SZT2: variants seen among roughly 807,000 people sequenced by gnomAD.
SZT2 encodes the protein SZT2 subunit of KICSTOR complex.
SZT2 carries 216 observed loss-of-function variants against 404.2 expected under a neutral mutation model. The ratio of observed to expected loss-of-function variants is 0.53; its 90% CI spans 0.48 to 0.60. The LOEUF (loss-of-function observed/expected upper bound fraction) is 0.60, where lower values mean the gene tolerates loss of function less well. Among genes scored for constraint, SZT2 ranks in the 20% least tolerant of loss-of-function variants. SZT2 has a pLI of 0.00. For missense variants in SZT2, 3,857 were observed against 4,459.2 expected (o/e 0.86, Z 3.85); for synonymous variants, 1,693 against 1,749.9 (o/e 0.97, Z 0.81).
chr1:43,426,944 G>A lies in SZT2; in HGVS notation c.3310-112G>A. 2 of 1,570,312 alleles carry A rather than the reference G, an allele frequency of 1.3e-6. No individual in the cohort carries two copies. Among genetic ancestry groups the A allele is most frequent in the South Asian group, 1.2e-5 (1 of 85,916 alleles). On this transcript the variant is annotated intron_variant, in intron 23 of 71. Coordinates refer to ENST00000634258, the MANE Select transcript of SZT2 (RefSeq NM_001365999.1). The surrounding 1 kb of genome is among the most constrained non-coding windows in gnomAD (Gnocchi z 4.9). The stretch of plus-strand genomic sequence containing the variant: ...TGACACAATGCCGTCATTTTCCATT[G>A]TCCTGGATCTTTCAAGCTATACCTA...
chr1:43,448,264 C>G lies in SZT2; in HGVS notation c.9749C>G (p.Pro3250Arg), dbSNP rs759710717. Residue 3250 changes from proline to arginine, a missense_variant, in exon 69 of 72, where the codon CCA becomes CGA. Pro to Arg is a moderately radical substitution (Grantham distance 103). Around this residue, in one of 7 missense-constraint regions of SZT2, gnomAD observed 717 missense variants for 868.2 expected, o/e 0.83. Transcript: ENST00000634258. The surrounding 1 kb of genome is among the most constrained non-coding windows in gnomAD (Gnocchi z 4.2). Reference protein sequence around the residue: ...LAPGPAPLFPPLAAEVGMARA... With the variant: ...LAPGPAPLFPRLAAEVGMARA... The stretch of plus-strand genomic sequence containing the variant: ...CCTGGACCGGCTCCTCTGTTCCCAC[C>G]ACTGGCTGCAGAGGTGGGCATGGCA... 1.4e-5 allele frequency: 22 copies of G among 1,573,914 alleles called. No individual in the cohort carries two copies. Among genetic ancestry groups the G allele is most frequent in the Non-Finnish European group, 1.6e-5 (19 of 1,160,160 alleles).
intron 11 of SZT2, among the ~76,000 whole-genome samples, chr1:43,421,575 C>G (rs1026521800): frequency 1.3e-5 from 2 of 152,210 alleles, no homozygotes; most frequent in Non-Finnish European, 2.9e-5. Context: ...CCCAGCAGAC[C>G]GTGAGCCCTT....
intron 27 of SZT2, 33 bp downstream of exon 27, chr1:43,428,151 G>A (rs1349300180): frequency 6.2e-7 from 1 of 1,611,554 alleles, no homozygotes; most frequent in South Asian, 1.1e-5. Flanking sequence ...GGAGGAGTGG[G>A]GCCCTGCGGG....
Position 43,427,631 on chromosome 1 carries a change from C to T in SZT2, c.3700C>T (p.Arg1234Trp), listed in dbSNP as rs776754646. 9.9e-6 allele frequency: 16 copies of T among 1,614,074 alleles called. No individual in the cohort carries two copies. Among genetic ancestry groups the T allele is most frequent in the Middle Eastern group, 1.6e-4 (1 of 6,082 alleles). ...CCAGACAGAGAGTGCGGATGGGCCC[C>T]GGACCCGGTGTCCTGTCTACATCTA... ...ASQTESADGPRTRCPVYIYSC... is the reference protein window; with the variant it reads ...ASQTESADGPWTRCPVYIYSC... Residue 1234 changes from arginine to tryptophan, a missense_variant, in exon 26 of 72, where the codon CGG becomes TGG. Coordinates refer to ENST00000634258, the MANE Select transcript of SZT2 (RefSeq NM_001365999.1).
In SZT2 at chr1:43,391,035, A is replaced by G. The variant is rs184830210; in HGVS notation, c.27+1040A>G. ...CAGAGATATTAAGAGTAACAAAGTA[A>G]GCCGGGCGCAGTGGCTTACACCTGT... is the stretch of plus-strand genomic sequence containing the variant. On this transcript the variant is annotated intron_variant, in intron 1 of 71. Transcript: ENST00000634258. Among the ~76,000 whole-genome samples, 5 of 152,276 alleles carry G rather than the reference A, an allele frequency of 3.3e-5. No individual in the cohort carries two copies. In the East Asian group the frequency reaches 9.6e-4, roughly 29 times the overall value.
In SZT2 at chr1:43,442,401, G is replaced by C; in HGVS notation, c.7974+33G>C. On this transcript the variant is annotated intron_variant, in intron 57 of 71. Transcript: ENST00000634258. This position sits in a 1 kb window ranked among gnomAD's most constrained non-coding sequence, Gnocchi z 4.5. The stretch of plus-strand genomic sequence containing the variant: ...TGGGGCCAGGGACTGGGTGGGAAGA[G>C]GGGTTCCGTGATCTCACTGACCCTG... The C allele has an allele frequency of 6.2e-7, 1 of 1,612,722 alleles. No homozygotes were observed. The highest frequency in any genetic ancestry group is 8.5e-7 in the Non-Finnish European group (1 of 1,179,188).
chr1:43,435,242 T>A lies in SZT2; in HGVS notation c.5947T>A (p.Ser1983Thr), dbSNP rs1654336401. 4 of 1,614,068 alleles carry A rather than the reference T, an allele frequency of 2.5e-6. No individual in the cohort carries two copies. The highest frequency in any genetic ancestry group is 2.5e-6 in the Non-Finnish European group (3 of 1,180,040). The change falls in exon 42 of 72, where the codon TCT becomes ACT. Residue 1983 changes from serine (S) to threonine (T), a missense_variant. Ser to Thr is a moderately conservative substitution (Grantham distance 58, BLOSUM62 1). Around this residue, in one of 7 missense-constraint regions of SZT2, gnomAD observed 1,725 missense variants for 1,881.0 expected, o/e 0.92. Transcript: ENST00000634258. The stretch of plus-strand genomic sequence containing the variant: ...CCTTCATGACAGCCACGTGTGTAAC[T>A]CTCTTCTGGTGGCCGAGAGTGAAGA... Reference protein sequence around the residue: ...QDLHDSHVCNSLLVAESEEDL... With the variant: ...QDLHDSHVCNTLLVAESEEDL...
chr1:43,400,609 C>G (rs928299351), intron 1 of SZT2, among the ~76,000 whole-genome samples: 1 of 152,224 alleles, frequency 6.6e-6, no homozygotes, highest in Non-Finnish European at 1.5e-5. Flanking sequence ...TGGTGGCTCA[C>G]GCCTGTAATC....
intron 60 of SZT2, 27 bp from the exon 61 acceptor site, chr1:43,443,325 T>A (rs762973624): frequency 6.2e-7 from 1 of 1,614,130 alleles, no homozygotes; most frequent in South Asian, 1.1e-5. Flanking sequence ...CCGTCACTGC[T>A]CCATGCTCAC....
Position 43,425,661 on chromosome 1 carries a change from GTACC to G in SZT2, c.2814+20_2814+23del. 1 of 1,612,428 alleles carries G rather than the reference GTACC, an allele frequency of 6.2e-7. No homozygotes were observed. The highest frequency in any genetic ancestry group is 1.1e-5 in the South Asian group (1 of 91,044). On this transcript the variant is annotated intron_variant, in intron 19 of 71. Coordinates refer to ENST00000634258, the MANE Select transcript of SZT2 (RefSeq NM_001365999.1). This position sits in a 1 kb window ranked among gnomAD's most constrained non-coding sequence, Gnocchi z 4.3. ...GCAAGCTGTGAGTGTCCTCAGAACA[GTACC>G]CGCACCTCTCTCACTGGATTGGGGT...
At position 43,441,343 on chromosome 1, in the gene SZT2, CG is replaced by C; in HGVS notation, c.7477del (p.Ala2493ArgfsTer18). 6 of 1,614,118 alleles carry C rather than the reference CG, an allele frequency of 3.7e-6. No homozygotes were observed. The highest frequency in any genetic ancestry group is 4.2e-6 in the Non-Finnish European group (5 of 1,180,012). On this transcript the variant is annotated frameshift_variant, in exon 53 of 72. Coordinates refer to ENST00000634258, the MANE Select transcript of SZT2 (RefSeq NM_001365999.1). LOFTEE classifies it high-confidence loss of function. This position sits in a 1 kb window ranked among gnomAD's most constrained non-coding sequence, Gnocchi z 4.8. ...TGTTCGGACTCCTGGTGGAGCTGAG[CG>C]GGCGCCAGGCTCAGATTCTGGAGCC... is the stretch of plus-strand genomic sequence containing the variant. ...ESVRTPGGAE[R>X]APGSDSGAQR...
chr1:43,439,645 G>A lies in SZT2; in HGVS notation c.6918G>A (p.Gly2306=), dbSNP rs1248952930. The A allele has an allele frequency of 1.9e-6, 3 of 1,613,842 alleles. No homozygotes were observed. The highest frequency in any genetic ancestry group is 2.5e-6 in the Non-Finnish European group (3 of 1,179,826). Residue 2306 remains glycine, a synonymous_variant, in exon 50 of 72, where the codon GGG becomes GGA. Coordinates refer to ENST00000634258, the MANE Select transcript of SZT2 (RefSeq NM_001365999.1). This position sits in a 1 kb window ranked among gnomAD's most constrained non-coding sequence, Gnocchi z 4.2. ...CTCTAGCCTTTGTGGATGAAGGAGGGGCCCCCTTGTCACTGGCGTTGTGGC... is the reference window on the plus strand; with the variant it reads ...CTCTAGCCTTTGTGGATGAAGGAGGAGCCCCCTTGTCACTGGCGTTGTGGC... ...CITLAFVDEG[G]APLSLALWPP... is the part of the protein sequence containing the mutation.
At chr1:43,419,145 G>A (rs1420456568) in intron 7 of SZT2, among the ~76,000 whole-genome samples, 6 of 152,224 alleles carry the variant, frequency 3.9e-5, no homozygotes, top group African/African-American at 1.2e-4. Context: ...CTGTTGAAGC[G>A]TGAAAGCAGC....
rs1655351098 is a variant in SZT2, at chr1:43,443,761, G to A, written c.8790G>A (p.Val2930=). 6.2e-7 allele frequency: 1 copy of A among 1,614,050 alleles called. No homozygotes were observed. The highest frequency in any genetic ancestry group is 8.5e-7 in the Non-Finnish European group (1 of 1,180,026). Residue 2930 remains valine, a synonymous_variant, in exon 62 of 72, where the codon GTG becomes GTA. Coordinates refer to ENST00000634258, the MANE Select transcript of SZT2 (RefSeq NM_001365999.1). ...YVQYLQSIGF[V]LVPLRPPSPA... Reference sequence around the variant, plus strand: ...AGTATCTGCAGAGCATAGGTTTTGTGCTGGTACCACTGCGGCCCCCCTCAC... The same window carrying A: ...AGTATCTGCAGAGCATAGGTTTTGTACTGGTACCACTGCGGCCCCCCTCAC...
At position 43,430,653 on chromosome 1, in the gene SZT2, C is replaced by A; in HGVS notation, c.4638C>A (p.Ile1546=). The change falls in exon 32 of 72, where the codon ATC becomes ATA. Residue 1546 remains isoleucine (I), a synonymous_variant. Transcript: ENST00000634258. ...TVNPDEDSFS[I]LGGDSPTGPE... is the part of the protein sequence containing the mutation. ...ATCCTGATGAAGACTCCTTCAGTATCTTGGGGGGCGACTCACCCACTGGGC... is the reference window on the plus strand; with the variant it reads ...ATCCTGATGAAGACTCCTTCAGTATATTGGGGGGCGACTCACCCACTGGGC... The A allele has an allele frequency of 3.1e-6, 5 of 1,614,194 alleles. No individual in the cohort carries two copies. Among genetic ancestry groups the A allele is most frequent in the Non-Finnish European group, 4.2e-6 (5 of 1,180,036 alleles).
chr1:43,453,177 C>T lies in SZT2; in HGVS notation c.*2697C>T. ...AGACTGAGCTCCCAGCATGGGATCC[C>T]AGCATGGGGTGAGCATGAAAGAGTG... On this transcript the variant is annotated 3_prime_UTR_variant, in exon 72 of 72. Transcript: ENST00000634258. 1.5e-6 allele frequency: 1 copy of T among 649,580 alleles called. No individual in the cohort carries two copies. Among genetic ancestry groups the T allele is most frequent in the Admixed American group, 2.4e-5 (1 of 41,350 alleles). 40.2% of individuals were successfully genotyped at this position (649,580 alleles called of 1,614,324 possible). A position where few individuals can be genotyped will look rare whatever the true frequency, so the allele number is the denominator to read the frequency against.
intron 28 of SZT2, chr1:43,429,047 C>A (rs1036714025): frequency 1.3e-5 from 2 of 157,274 alleles, no homozygotes; most frequent in African/African-American, 4.8e-5. Context: ...CGGTCCGGTT[C>A]TTTCTCTGGA....
intron 4 of SZT2, chr1:43,405,321 T>A (rs977807875): frequency 3.3e-5 from 5 of 152,222 alleles, no homozygotes; most frequent in Non-Finnish European, 7.3e-5. Context: ...GTGGGTCATT[T>A]TTTTTTTGAG....
chr1:43,451,473 G>C lies in SZT2; in HGVS notation c.*993G>C. 2.5e-6 allele frequency: 4 copies of C among 1,614,126 alleles called. No homozygotes were observed. Among genetic ancestry groups the C allele is most frequent in the African/African-American group, 1.3e-5 (1 of 75,062 alleles). On this transcript the variant is annotated 3_prime_UTR_variant, in exon 72 of 72. Transcript: ENST00000634258. ...CCTTCATCTTCCAGCAGTTGAAACA[G>C]ATAGGGGAAATTCAGCTCTCCGGGG... is the stretch of plus-strand genomic sequence containing the variant.
Sources: gnomAD v4.1 joint callset for allele counts (sites outside exome capture counted in the v4.1 genomes callset) on GRCh38, gnomAD v4.1.1 for gene constraint, gnomAD v4.1.1 regional missense constraint, Gnocchi (gnomAD v3.1) non-coding constraint, MANE v1.5 for transcripts, NCBI Gene and HGNC (gene_info 2026-07-23, HGNC 2026-07-21) for gene names.